Variants in RGS12 observed in about 807,000 individuals in gnomAD.
RGS12 encodes the protein regulator of G protein signaling 12.
In RGS12, 66 loss-of-function variants were observed where a neutral mutation model predicts 120.1. The ratio of observed to expected loss-of-function variants is 0.55; its 90% confidence interval spans 0.45 to 0.67. The LOEUF (loss-of-function observed/expected upper bound fraction) is 0.67, where lower values mean the gene tolerates loss of function less well. RGS12 is among the 30% of genes least tolerant of loss of function. The probability of loss-of-function intolerance (pLI) is 0.00; values close to 1 mark genes in which losing one functional copy is unlikely to be tolerated. For synonymous variants in RGS12, 827 were observed against 804.7 expected, an observed-to-expected ratio of 1.03 and a Z score of -0.47; for missense variants, 1,859 against 1,957.7, an observed-to-expected ratio of 0.95 and a Z score of 0.95.
intron 1 of RGS12, among the ~76,000 whole-genome samples, chr4:3,300,065 A>T (rs1216573875): frequency 1.3e-5 from 2 of 152,206 alleles, no homozygotes; most frequent in Non-Finnish European, 1.5e-5. Context: ...AAATAGCATG[A>T]TGTGTGGAAA....
chr4:3,389,117 T>C lies in RGS12; in HGVS notation c.2020+2680T>C, dbSNP rs1253219098. Among the ~76,000 whole-genome samples, 2 of 152,250 alleles carry C rather than the reference T, an allele frequency of 1.3e-5. No individual in the cohort carries two copies. The highest frequency in any genetic ancestry group is 2.9e-5 in the Non-Finnish European group (2 of 68,048). Reference sequence around the variant, plus strand: ...GTGCTTTTATAGCTTAGGCTCTCGCTGGAGAGTTTTAGTTTTGTGGCTCGG... The same window carrying C: ...GTGCTTTTATAGCTTAGGCTCTCGCCGGAGAGTTTTAGTTTTGTGGCTCGG... On this transcript the variant is annotated intron_variant, in intron 4 of 17. Transcript: ENST00000336727. This position sits in a 1 kb window ranked among gnomAD's most constrained non-coding sequence, Gnocchi z 5.2.
chr4:3,414,579 C>T (rs1240807015), intron 5 of RGS12, 173 bp from the exon 6 acceptor site: 1 of 616,850 alleles, frequency 1.6e-6, no homozygotes, highest in Admixed American at 2.9e-5. Context: ...GGGGAAACAG[C>T]TGGAAGCAGC....
intron 11 of RGS12, 64 bp downstream of exon 11, chr4:3,422,634 A>G: frequency 6.6e-7 from 1 of 1,526,280 alleles, no homozygotes; most frequent in Non-Finnish European, 8.9e-7. Flanking sequence ...CCTGGCCCCC[A>G]GCTTTGTCAG....
At position 3,309,856 on chromosome 4, in the gene RGS12, A is replaced by G. The variant is rs561857244; in HGVS notation, c.-101-6214A>G. Among the ~76,000 whole-genome samples, 48 of 93,518 alleles carry G rather than the reference A, an allele frequency of 5.1e-4. 1 individual carries two copies. In the South Asian group the frequency reaches 0.012, roughly 23 times the overall value. 61.4% of individuals were successfully genotyped at this position (93,518 alleles called of 152,430 possible). ...AGGTGTCTGCTGAGAACTGGGTGGGAGAGGAGCTGGGATCCGGGAATGGCA... is the reference window on the plus strand; with the variant it reads ...AGGTGTCTGCTGAGAACTGGGTGGGGGAGGAGCTGGGATCCGGGAATGGCA... On this transcript the variant is annotated intron_variant, in intron 1 of 17. Coordinates refer to ENST00000336727, the MANE Select transcript of RGS12 (RefSeq NM_001394154.1).
intron 3 of RGS12, among the ~76,000 whole-genome samples, chr4:3,370,562 C>CGG (rs2108887458): frequency 6.6e-6 from 1 of 152,346 alleles, no homozygotes; most frequent in South Asian, 2.1e-4. Flanking sequence ...CTCAACCCCT[C>CGG]GGGAGCCCAA....
intron 3 of RGS12, among the ~76,000 whole-genome samples, chr4:3,352,427 C>T (rs1328169578): frequency 1.3e-5 from 2 of 152,124 alleles, no homozygotes; most frequent in Admixed American, 1.3e-4. Context: ...TGATCCTTCT[C>T]CACATCCCAC....
rs368978974 is a variant in RGS12 at position 3,298,583 on chromosome 4, A to G, written c.-102+5484A>G. 5.9e-5 allele frequency among the ~76,000 whole-genome samples: 9 copies of G among 152,276 alleles called. No individual in the cohort carries two copies. In the East Asian group the frequency reaches 1.5e-3, roughly 26 times the overall value. On this transcript the variant is annotated intron_variant, in intron 1 of 17. Transcript: ENST00000336727. The stretch of plus-strand genomic sequence containing the variant: ...GCCCCTTTGCTGTTTCTAAGAAGTC[A>G]GTCACTCTGGTAGCTGCGTTGCTCC...
chr4:3,430,727 A>T lies in RGS12; in HGVS notation c.3886A>T (p.Ser1296Cys). ...GACCCCCCCCGGGCAGAAGTCTCCC[A>T]GCGGGCCCTTCTGCACTCCCCAGTC... The part of the protein sequence containing the change: ...GTTPPGQKSP[S>C]GPFCTPQSPV... Residue 1296 changes from serine to cysteine, a missense_variant, in exon 17 of 18, where the codon AGC becomes TGC. Transcript: ENST00000336727. The T allele has an allele frequency of 6.3e-7, 1 of 1,587,756 alleles. No homozygotes were observed. Among genetic ancestry groups the T allele is most frequent in the Non-Finnish European group, 8.6e-7 (1 of 1,166,342 alleles).
chr4:3,353,611 G>A (rs1714586324), intron 3 of RGS12, among the ~76,000 whole-genome samples: 1 of 152,174 alleles, frequency 6.6e-6, no homozygotes, highest in Admixed American at 6.5e-5. Context: ...GTTGGGGGAA[G>A]GAGACTGTGC....
rs138551793 is a variant in RGS12, at chr4:3,323,474, T to G, written c.1881+5423T>G. On this transcript the variant is annotated intron_variant, in intron 2 of 17. Coordinates refer to ENST00000336727, the MANE Select transcript of RGS12 (RefSeq NM_001394154.1). Reference sequence around the variant, plus strand: ...CAGGCTCTTGGATATTCTCTTCCTTTTCCTTCCCTTTATTGAAAATACATG... The same window carrying G: ...CAGGCTCTTGGATATTCTCTTCCTTGTCCTTCCCTTTATTGAAAATACATG... Among the ~76,000 whole-genome samples, 6 of 152,382 alleles carry G rather than the reference T, an allele frequency of 3.9e-5. No individual in the cohort carries two copies. In the East Asian group the frequency reaches 1.2e-3, roughly 29 times the overall value.
At chr4:3,417,187 C>T (rs2109124962) in intron 8 of RGS12, 95 bp downstream of exon 8, 1 of 1,390,860 alleles carries the variant, frequency 7.2e-7, no homozygotes, top group East Asian at 2.5e-5. Context: ...CTGTCGGCGT[C>T]TTCACCAGTG....
At chr4:3,295,715 A>G (rs1034042242) in intron 1 of RGS12, among the ~76,000 whole-genome samples, 2 of 152,016 alleles carry the variant, frequency 1.3e-5, no homozygotes, top group Non-Finnish European at 2.9e-5. Context: ...AACCAACAAC[A>G]ACAACAACAA....
At chr4:3,435,889 T>C (rs1051200560) in intron 17 of RGS12, among the ~76,000 whole-genome samples, 3 of 152,202 alleles carry the variant, frequency 2.0e-5, no homozygotes, top group African/African-American at 7.2e-5. Flanking sequence ...CCCGCACTGC[T>C]GGAGCTCCGG....
intron 5 of RGS12, 47 bp downstream of exon 5, chr4:3,414,288 A>G: frequency 6.7e-7 from 1 of 1,488,468 alleles, no homozygotes; most frequent in South Asian, 1.3e-5. Flanking sequence ...TGTGCTCTGC[A>G]GAGACTACCG....
intron 14 of RGS12, among the ~76,000 whole-genome samples, chr4:3,427,771 A>C (rs1319624457): frequency 1.3e-5 from 2 of 152,162 alleles, no homozygotes; most frequent in Non-Finnish European, 2.9e-5. Flanking sequence ...GAGAAAGAAA[A>C]TATGTCATAA....
intron 2 of RGS12, among the ~76,000 whole-genome samples, chr4:3,318,751 C>T (rs536155255): frequency 2.0e-5 from 3 of 152,272 alleles, no homozygotes; most frequent in East Asian, 1.9e-4. Context: ...CAGCAGGAGG[C>T]GGTGCTGCCA....
At chr4:3,307,502 A>C (rs1056917691) in intron 1 of RGS12, among the ~76,000 whole-genome samples, 5 of 152,274 alleles carry the variant, frequency 3.3e-5, no homozygotes, top group Admixed American at 6.5e-5. Context: ...TAGTACAAAA[A>C]AGTTCTTTTT....
chr4:3,364,195 C>G (rs1448416768), intron 3 of RGS12, among the ~76,000 whole-genome samples: 2 of 152,210 alleles, frequency 1.3e-5, no homozygotes, highest in Admixed American at 6.5e-5. Context: ...CTTGTCATCT[C>G]TTGAGTTCTG....
At chr4:3,403,408 G>A (rs1375541002) in intron 4 of RGS12, among the ~76,000 whole-genome samples, 2 of 152,166 alleles carry the variant, frequency 1.3e-5, no homozygotes, top group Non-Finnish European at 1.5e-5. Context: ...CCAGACTCAC[G>A]GTCAGCCCAG....
Sources: gnomAD v4.1 joint callset for allele counts (sites outside exome capture counted in the v4.1 genomes callset) on GRCh38, gnomAD v4.1.1 for gene constraint, Gnocchi (gnomAD v3.1) non-coding constraint, MANE v1.5 for transcripts, NCBI Gene and HGNC (gene_info 2026-07-23, HGNC 2026-07-21) for gene names.